UBA2: variants seen among roughly 807,000 people sequenced by gnomAD.
UBA2 encodes the protein SUMO-activating enzyme subunit 2.
A neutral mutation model predicts 77.2 loss-of-function variants in UBA2; 11 were observed. The observed-to-expected ratio is 0.14, with a 90% CI of 0.09 to 0.24. The LOEUF is 0.24. UBA2 is among the 10% of genes least tolerant of loss of function. The pLI is 1.00. For missense variants in UBA2, 487 were observed against 781.7 expected, an observed-to-expected ratio of 0.62 and a Z score of 4.50; for synonymous variants, 278 against 276.7, an observed-to-expected ratio of 1.00 and a Z score of -0.05.
intron 8 of UBA2, 119 bp from the exon 9 acceptor site, chr19:34,450,146 T>A: frequency 1.5e-6 from 1 of 658,856 alleles, no homozygotes; most frequent in South Asian, 1.8e-5. Context: ...ATGCTGCTGG[T>A]ATATGACATG....
chr19:34,451,536 G>GTTTTTT (rs773178552), intron 9 of UBA2, among the ~76,000 whole-genome samples: 10 of 62,964 alleles, frequency 1.6e-4, no homozygotes, highest in Admixed American at 2.7e-4. Flanking sequence ...AGGTTTAACA[G>GTTTTTT]TTTTTTTTTT....
At chr19:34,449,778 A>G (rs1209742051) in intron 8 of UBA2, among the ~76,000 whole-genome samples, 8 of 152,148 alleles carry the variant, frequency 5.3e-5, no homozygotes, top group Admixed American at 4.6e-4. Flanking sequence ...AAGATATCGC[A>G]GTTCAGAAGT....
intron 2 of UBA2, 118 bp from the exon 3 acceptor site, chr19:34,431,743 T>G: frequency 1.2e-6 from 1 of 825,192 alleles, no homozygotes; most frequent in Non-Finnish European, 2.0e-6. Flanking sequence ...TTGGACTTCT[T>G]TGGTGTTTAA....
intron 8 of UBA2, among the ~76,000 whole-genome samples, chr19:34,446,693 T>G (rs2075435582): frequency 6.6e-6 from 1 of 151,120 alleles, no homozygotes; most frequent in Admixed American, 6.6e-5. Flanking sequence ...TGCTGCAACC[T>G]CTGCCTCCTG....
intron 2 of UBA2, among the ~76,000 whole-genome samples, chr19:34,431,272 G>A (rs2075252172): frequency 1.5e-5 from 1 of 64,544 alleles, no homozygotes; most frequent in African/African-American, 5.3e-5. Flanking sequence ...TTTTTTTAGA[G>A]ATAGGGTCTC....
chr19:34,443,656 G>T (rs2075394597), intron 6 of UBA2, among the ~76,000 whole-genome samples, 188 bp from the exon 7 acceptor site: 1 of 151,868 alleles, frequency 6.6e-6, no homozygotes, highest in African/African-American at 2.4e-5. Context: ...TGGTCAGGCT[G>T]GTCTCGAACT....
chr19:34,435,609 G>A lies in UBA2; in HGVS notation c.459+641G>A, dbSNP rs574326961. ...CTTTGGGAGGCTGAGGTAGGCAGAT[G>A]ACTTGAGGTCAGGAGTTCGAGACCA... On this transcript the variant is annotated intron_variant, in intron 5 of 16. Coordinates refer to ENST00000246548, the MANE Select transcript of UBA2 (RefSeq NM_005499.3). Among the ~76,000 whole-genome samples, 28 of 151,086 alleles carry A rather than the reference G, an allele frequency of 1.9e-4. No individual in the cohort carries two copies. The East Asian group carries it at 5.3e-3, about 29-fold the overall frequency.
At chr19:34,458,747 G>T (rs372502923) in intron 12 of UBA2, 22 bp from the exon 13 acceptor site, 9 of 1,598,358 alleles carry the variant, frequency 5.6e-6, no homozygotes, top group Non-Finnish European at 6.8e-6. Context: ...TCCGATTTCT[G>T]CCTGTTATTT....
intron 14 of UBA2, among the ~76,000 whole-genome samples, chr19:34,463,357 C>T (rs2075652712): frequency 6.6e-6 from 1 of 152,110 alleles, no homozygotes; most frequent in African/African-American, 2.4e-5. Flanking sequence ...TTTTAGGGTA[C>T]TAGGGCCTCC....
intron 15 of UBA2, 97 bp downstream of exon 15, chr19:34,464,228 T>C (rs1280048910): frequency 1.2e-6 from 1 of 812,252 alleles, no homozygotes; most frequent in Admixed American, 2.3e-5. Context: ...TAAACCCTGC[T>C]GTTCATTTGA....
chr19:34,455,050 CTGAA>C (rs1568379959), intron 12 of UBA2, among the ~76,000 whole-genome samples: 2 of 152,218 alleles, frequency 1.3e-5, no homozygotes, highest in African/African-American at 2.4e-5. Flanking sequence ...TTTTTAAAAA[CTGAA>C]TGTGTATTAG....
At chr19:34,463,923 G>A (rs1044815631) in intron 14 of UBA2, 103 bp from the exon 15 acceptor site, 13 of 756,880 alleles carry the variant, frequency 1.7e-5, no homozygotes, top group East Asian at 1.1e-4. Context: ...TTTGGTGAAC[G>A]GGACACAAAT....
intron 13 of UBA2, among the ~76,000 whole-genome samples, chr19:34,460,247 T>A (rs1266739576): frequency 6.6e-6 from 1 of 151,896 alleles, no homozygotes; most frequent in African/African-American, 2.4e-5. Context: ...AGTCCCCTGT[T>A]GAGATGAAGT....
intron 8 of UBA2, 44 bp from the exon 9 acceptor site, chr19:34,450,221 A>G: frequency 7.3e-7 from 1 of 1,367,700 alleles, no homozygotes; most frequent in Non-Finnish European, 1.0e-6. Context: ...TATCTTATCA[A>G]TTAGGGATTA....
chr19:34,459,340 C>A (rs1401244836), intron 13 of UBA2, among the ~76,000 whole-genome samples: 1 of 152,194 alleles, frequency 6.6e-6, no homozygotes, highest in Non-Finnish European at 1.5e-5. Context: ...GCCCCAGTTA[C>A]CAGCTTTGTA....
At position 34,438,670 on chromosome 19, in the gene UBA2, A is replaced by G. The variant is rs1403066622; in HGVS notation, c.485A>G (p.His162Arg). ...KKGVTECYEC[H>R]PKPTQRTFPG... ...GGTGTGACCGAGTGTTATGAGTGTC[A>G]TCCTAAGCCGACCCAGAGAACCTTT... Residue 162 changes from histidine (H) to arginine (R), a missense_variant, in exon 6 of 17, where the codon CAT (histidine) becomes CGT (arginine). By Grantham distance (29) the His-to-Arg change is conservative (BLOSUM62 0). This residue lies in a region of UBA2 where 66 missense variants were observed against 112.0 expected (regional missense o/e 0.59). Coordinates refer to ENST00000246548, the MANE Select transcript of UBA2 (RefSeq NM_005499.3). 6.2e-7 allele frequency: 1 copy of G among 1,614,182 alleles called. No homozygotes were observed.
At chr19:34,444,369 CA>C (rs1034745016) in intron 7 of UBA2, among the ~76,000 whole-genome samples, 25 of 151,278 alleles carry the variant, frequency 1.7e-4, no homozygotes, top group Non-Finnish European at 2.5e-4. Context: ...CAATGTTTTA[CA>C]AAAAAAATAT....
At position 34,431,906 on chromosome 19, in the gene UBA2, G is replaced by A. The variant is rs761238714; in HGVS notation, c.268G>A (p.Val90Ile). The A allele has an allele frequency of 1.2e-6, 2 of 1,613,806 alleles. No homozygotes were observed. The highest frequency in any genetic ancestry group is 1.7e-6 in the Non-Finnish European group (2 of 1,179,918). The change falls in exon 3 of 17, where the codon GTT becomes ATT. Residue 90 changes from valine (V) to isoleucine (I), a missense_variant. Val to Ile is a conservative substitution (Grantham distance 29). Transcript: ENST00000246548. ...GCAGTTTTACCCGAAAGCTAATATC[G>A]TTGCCTACCATGACAGCATCATGAA... ...VLQFYPKANI[V>I]AYHDSIMNPD...
chr19:34,460,657 A>G, intron 14 of UBA2, 91 bp downstream of exon 14: 1 of 899,942 alleles, frequency 1.1e-6, no homozygotes. Flanking sequence ...TGTGATACTC[A>G]GTATTGCAGA....
Sources: gnomAD v4.1 joint callset for allele counts (sites outside exome capture counted in the v4.1 genomes callset) on GRCh38, gnomAD v4.1.1 for gene constraint, gnomAD v4.1.1 regional missense constraint, MANE v1.5 for transcripts, NCBI Gene and HGNC (gene_info 2026-07-23, HGNC 2026-07-21) for gene names.